The following KCNIP4 variants were observed in gnomAD, a reference collection of about 807,000 sequenced individuals.
The protein encoded by KCNIP4 is potassium voltage-gated channel interacting protein 4.
KCNIP4 carries 12 observed loss-of-function variants against 34.0 expected under a neutral mutation model. The ratio of observed to expected loss-of-function variants is 0.35; its 90% confidence interval spans 0.23 to 0.57. KCNIP4 has a LOEUF of 0.57. Ranked by LOEUF, KCNIP4 falls within the 20% of genes least tolerant of loss-of-function variation. The pLI is 0.83. For missense variants in KCNIP4, 238 were observed against 311.7 expected, an observed-to-expected ratio of 0.76 and a Z score of 1.78; for synonymous variants, 124 against 102.2, an observed-to-expected ratio of 1.21 and a Z score of -1.29.
chr4:20,779,419 G>A (rs1336481121), intron 3 of KCNIP4, among the ~76,000 whole-genome samples: 1 of 152,012 alleles, frequency 6.6e-6, no homozygotes, highest in East Asian at 1.9e-4. Flanking sequence ...GTTTTCCCCA[G>A]CAAGTAATAG....
At chr4:20,851,869 A>AAATC (rs2149484661) in intron 2 of KCNIP4, among the ~76,000 whole-genome samples, 2 of 152,264 alleles carry the variant, frequency 1.3e-5, no homozygotes, top group East Asian at 3.9e-4. Context: ...AATGTTCACT[A>AAATC]AGGATTCCAA....
At chr4:21,248,788 T>TA (rs1302773018) in intron 1 of KCNIP4, among the ~76,000 whole-genome samples, 3 of 152,172 alleles carry the variant, frequency 2.0e-5, no homozygotes, top group African/African-American at 7.2e-5. Context: ...ACATTACTCC[T>TA]AAGTACTATT....
At chr4:21,608,775 T>C (rs200219376) in intron 1 of KCNIP4, 2 of 152,230 alleles carry the variant, frequency 1.3e-5, no homozygotes, top group Admixed American at 1.3e-4. Context: ...GATCTACATA[T>C]GTCTGAAATT....
At chr4:21,506,042 G>A (rs1012371330) in intron 1 of KCNIP4, among the ~76,000 whole-genome samples, 24 of 152,192 alleles carry the variant, frequency 1.6e-4, no homozygotes, top group African/African-American at 5.8e-4. Flanking sequence ...GGCAGAGGTT[G>A]CAGTGAGCTG....
chr4:20,952,302 T>A (rs1034153749), intron 1 of KCNIP4, among the ~76,000 whole-genome samples: 1 of 152,194 alleles, frequency 6.6e-6, no homozygotes, highest in African/African-American at 2.4e-5. Context: ...GGCACTTCTA[T>A]GTATTTAAAT....
At chr4:21,459,857 C>A in intron 1 of KCNIP4, among the ~76,000 whole-genome samples, 1 of 151,972 alleles carries the variant, frequency 6.6e-6, no homozygotes, top group African/African-American at 2.4e-5. Context: ...TCACCATCAC[C>A]ATTGCCTCTG....
intron 1 of KCNIP4, among the ~76,000 whole-genome samples, chr4:21,473,373 T>C (rs1730627226): frequency 6.6e-6 from 1 of 152,186 alleles, no homozygotes; most frequent in Non-Finnish European, 1.5e-5. Flanking sequence ...CCTTGCCTCC[T>C]AAGAATGACT....
chr4:21,676,419 A>G (rs143821834), intron 1 of KCNIP4, among the ~76,000 whole-genome samples: 79 of 152,336 alleles, frequency 5.2e-4, no homozygotes, highest in African/African-American at 1.8e-3. Context: ...TAGTGAAGGT[A>G]CCCAATTGCC....
At chr4:21,867,414 T>C (rs151302057) in intron 1 of KCNIP4, among the ~76,000 whole-genome samples, 1 of 152,234 alleles carries the variant, frequency 6.6e-6, no homozygotes, top group Non-Finnish European at 1.5e-5. Context: ...ATTACTAGAG[T>C]CAGAGTTAGT....
At chr4:20,949,974 A>G (rs1157185181) in intron 1 of KCNIP4, among the ~76,000 whole-genome samples, 1 of 151,496 alleles carries the variant, frequency 6.6e-6, no homozygotes, top group Non-Finnish European at 1.5e-5. Context: ...TAACCTGCAC[A>G]TTGTGCACAT....
chr4:20,937,005 C>T (rs940013145), intron 1 of KCNIP4, among the ~76,000 whole-genome samples: 3 of 151,904 alleles, frequency 2.0e-5, no homozygotes, highest in Non-Finnish European at 2.9e-5. Flanking sequence ...GCGTAACGTT[C>T]TTGGTGTCCG....
At chr4:20,979,399 CTTTT>C (rs762394597) in intron 1 of KCNIP4, among the ~76,000 whole-genome samples, 2 of 133,312 alleles carry the variant, frequency 1.5e-5, no homozygotes, top group Non-Finnish European at 1.6e-5. Flanking sequence ...CACTTTCTTT[CTTTT>C]TTTTTTTTTT....
intron 1 of KCNIP4, among the ~76,000 whole-genome samples, chr4:21,156,490 G>C (rs968239807): frequency 5.1e-4 from 78 of 152,262 alleles, no homozygotes; most frequent in Admixed American, 5.1e-3. Context: ...ATGCATGAGA[G>C]CCACCTAACA....
chr4:21,555,578 C>A (rs1270865667), intron 1 of KCNIP4, among the ~76,000 whole-genome samples: 1 of 151,656 alleles, frequency 6.6e-6, no homozygotes, highest in Non-Finnish European at 1.5e-5. Flanking sequence ...ATCTTCCTGG[C>A]AAGAAGAATA....
At chr4:21,724,819 C>CA (rs1415895139) in intron 1 of KCNIP4, among the ~76,000 whole-genome samples, 2 of 152,166 alleles carry the variant, frequency 1.3e-5, no homozygotes, top group Admixed American at 1.3e-4. Flanking sequence ...AGACAGCTTG[C>CA]AGGGCATGCT....
intron 1 of KCNIP4, among the ~76,000 whole-genome samples, chr4:21,945,886 G>T (rs1165205936): frequency 1.5e-4 from 22 of 151,232 alleles, no homozygotes; most frequent in Admixed American, 1.3e-3. Context: ...GCAAAAGTGA[G>T]CACTCTAATT....
At chr4:20,928,490 T>C (rs1245250268) in intron 1 of KCNIP4, among the ~76,000 whole-genome samples, 1 of 151,696 alleles carries the variant, frequency 6.6e-6, no homozygotes, top group Non-Finnish European at 1.5e-5. Flanking sequence ...TAAAGGTTTA[T>C]AACAATAAAT....
intron 1 of KCNIP4, among the ~76,000 whole-genome samples, chr4:21,715,738 T>C (rs1421088977): frequency 6.6e-6 from 1 of 152,150 alleles, no homozygotes; most frequent in Non-Finnish European, 1.5e-5. Flanking sequence ...ATGTCAGGGG[T>C]GAGTTGCATC....
At chr4:21,233,941 T>C (rs898962652) in intron 1 of KCNIP4, among the ~76,000 whole-genome samples, 2 of 139,444 alleles carry the variant, frequency 1.4e-5, no homozygotes, top group African/African-American at 5.3e-5. Context: ...ATTATATAAA[T>C]ATTACATATA....
Sources: gnomAD v4.1 joint callset for allele counts (sites outside exome capture counted in the v4.1 genomes callset) on GRCh38, gnomAD v4.1.1 for gene constraint, MANE v1.5 for transcripts, NCBI Gene and HGNC (gene_info 2026-07-23, HGNC 2026-07-21) for gene names.